LRRK1: variants seen among roughly 807,000 people sequenced by gnomAD.
LRRK1 encodes leucine rich repeat kinase 1, also known as leucine-rich repeat serine/threonine-protein kinase 1.
A neutral mutation model predicts 209.1 loss-of-function variants in LRRK1; 113 were observed. That is an observed-to-expected ratio of 0.54 (90% CI 0.46 to 0.63). The LOEUF (loss-of-function observed/expected upper bound fraction) is 0.63. LRRK1 is among the 30% of genes least tolerant of loss of function. The pLI is 0.00. For missense variants in LRRK1, 2,284 were observed against 2,632.2 expected (o/e 0.87, Z 2.89); for synonymous variants, 1,144 against 1,099.7 (o/e 1.04, Z -0.80).
chr15:100,955,008 A>C (rs530508817), intron 2 of LRRK1, among the ~76,000 whole-genome samples: 1 of 48,772 alleles, frequency 2.1e-5, no homozygotes, highest in East Asian at 9.9e-4. Flanking sequence ...GGTTCCATAC[A>C]AATTTTAGGA....
intron 20 of LRRK1, among the ~76,000 whole-genome samples, chr15:101,031,257 C>T (rs1310628638): frequency 3.9e-5 from 6 of 152,212 alleles, no homozygotes; most frequent in African/African-American, 7.2e-5. Context: ...TTCCGCCAGA[C>T]GCCCTTCCAG....
At chr15:100,981,164 C>G (rs560153595) in intron 3 of LRRK1, among the ~76,000 whole-genome samples, 1 of 152,162 alleles carries the variant, frequency 6.6e-6, no homozygotes, top group Non-Finnish European at 1.5e-5. Flanking sequence ...TATGGAGCCT[C>G]CAGCCAGAAA....
rs1196825322 is a variant in LRRK1, at chr15:101,075,032, C to G, written c.*6184C>G. The G allele has an allele frequency of 9.6e-6, 1 of 104,698 alleles. No individual in the cohort carries two copies. Among genetic ancestry groups the G allele is most frequent in the African/African-American group, 3.7e-5 (1 of 26,824 alleles). The allele number at this position is 104,698 out of a possible 1,614,324, so 6.5% of individuals were successfully genotyped here. ...GAAGACTGACACTGCCCGATCACCT[C>G]GGAAGCCCCCTAGACCATCACGGAC... On this transcript the variant is annotated 3_prime_UTR_variant, in exon 34 of 34. Coordinates refer to ENST00000388948, the MANE Select transcript of LRRK1 (RefSeq NM_024652.6).
intron 20 of LRRK1, among the ~76,000 whole-genome samples, chr15:101,031,577 G>A (rs2034284609): frequency 6.6e-6 from 1 of 152,166 alleles, no homozygotes; most frequent in South Asian, 2.1e-4. Flanking sequence ...ACAGTCTTAA[G>A]TCTTTTTGGA....
intron 2 of LRRK1, among the ~76,000 whole-genome samples, chr15:100,935,754 A>G (rs894308520): frequency 2.6e-5 from 4 of 152,160 alleles, no homozygotes; most frequent in African/African-American, 9.7e-5. Context: ...TTAAAAGAAC[A>G]ACGAATGATC....
intron 2 of LRRK1, among the ~76,000 whole-genome samples, chr15:100,944,343 G>A (rs1468215440): frequency 6.6e-6 from 1 of 152,202 alleles, no homozygotes; most frequent in East Asian, 1.9e-4. Flanking sequence ...AAACCCAGCT[G>A]CAGAGCAGTG....
chr15:101,061,440 G>A, intron 30 of LRRK1, 152 bp downstream of exon 30: 2 of 608,588 alleles, frequency 3.3e-6, no homozygotes, highest in South Asian at 2.0e-5. Flanking sequence ...CCCAAGTAAT[G>A]CCAGGAGCCC....
chr15:100,983,187 A>T (rs1289787747), intron 3 of LRRK1, among the ~76,000 whole-genome samples: 1 of 152,220 alleles, frequency 6.6e-6, no homozygotes, highest in East Asian at 1.9e-4. Context: ...AAAATAAATA[A>T]AATAAAGGAG....
At chr15:100,945,754 A>G (rs2042529997) in intron 2 of LRRK1, among the ~76,000 whole-genome samples, 1 of 152,042 alleles carries the variant, frequency 6.6e-6, no homozygotes, top group African/African-American at 2.4e-5. Flanking sequence ...CGGCTTCCCA[A>G]AGTGCTGGGA....
At chr15:101,006,484 C>G (rs529822760) in intron 6 of LRRK1, among the ~76,000 whole-genome samples, 2 of 151,814 alleles carry the variant, frequency 1.3e-5, no homozygotes, top group South Asian at 4.2e-4. Context: ...CAATGTCATG[C>G]AATTGTCAAG....
intron 2 of LRRK1, among the ~76,000 whole-genome samples, chr15:100,945,018 C>T (rs546228022): frequency 6.6e-6 from 1 of 152,318 alleles, no homozygotes; most frequent in South Asian, 2.1e-4. Flanking sequence ...TCATTGGCCT[C>T]CTTTTAGTCA....
At chr15:101,061,995 A>C (rs1339895253) in intron 30 of LRRK1, among the ~76,000 whole-genome samples, 1 of 152,214 alleles carries the variant, frequency 6.6e-6, no homozygotes, top group Non-Finnish European at 1.5e-5. Flanking sequence ...CGTACCACTT[A>C]AGCCTCAGAA....
chr15:100,982,031 A>G (rs1471349679), intron 3 of LRRK1, among the ~76,000 whole-genome samples: 1 of 152,226 alleles, frequency 6.6e-6, no homozygotes, highest in African/African-American at 2.4e-5. Flanking sequence ...CACACACAGT[A>G]GATCCTCAGT....
intron 1 of LRRK1, among the ~76,000 whole-genome samples, chr15:100,924,107 T>C (rs187153522): frequency 1.3e-5 from 2 of 152,336 alleles, no homozygotes; most frequent in African/African-American, 4.8e-5. Context: ...GTGACTAACC[T>C]TAACTATGTC....
intron 2 of LRRK1, among the ~76,000 whole-genome samples, chr15:100,971,360 G>C (rs576907909): frequency 6.8e-6 from 1 of 147,122 alleles, no homozygotes; most frequent in African/African-American, 2.6e-5. Context: ...AAAAGAAAAA[G>C]AAAAAGAAAA....
chr15:101,061,975 T>C (rs1053990004), intron 30 of LRRK1, among the ~76,000 whole-genome samples: 2 of 152,364 alleles, frequency 1.3e-5, no homozygotes, highest in East Asian at 1.9e-4. Flanking sequence ...ACCATTGCAC[T>C]CCAGCCTTGC....
At chr15:101,029,650 T>C (rs1365625562) in intron 20 of LRRK1, among the ~76,000 whole-genome samples, 1 of 152,038 alleles carries the variant, frequency 6.6e-6, no homozygotes, top group Admixed American at 6.5e-5. Context: ...GCCAGATCAA[T>C]TGAGGTCAGG....
rs1165954378 is a variant in LRRK1 at position 101,024,765 on chromosome 15, T to A, written c.2068-38T>A. 1.3e-6 allele frequency: 2 copies of A among 1,597,596 alleles called. No individual in the cohort carries two copies. The highest frequency in any genetic ancestry group is 2.2e-5 in the East Asian group (1 of 44,498). Reference sequence around the variant, plus strand: ...TTTGATTGACTGAAGCCTTTGTCTCTAAAATGCCTCCCTGTCGCTGCCTTG... The same window carrying A: ...TTTGATTGACTGAAGCCTTTGTCTCAAAAATGCCTCCCTGTCGCTGCCTTG... On this transcript the variant is annotated intron_variant, in intron 15 of 33. Transcript: ENST00000388948. This position sits in a 1 kb window ranked among gnomAD's most constrained non-coding sequence, Gnocchi z 4.6.
intron 2 of LRRK1, among the ~76,000 whole-genome samples, chr15:100,941,261 T>TGTGTCTCTGTGTGTGTCC (rs1491180796): frequency 6.7e-6 from 1 of 150,266 alleles, no homozygotes; most frequent in African/African-American, 2.5e-5. Context: ...TGTGTGTGTC[T>TGTGTCTCTGTGTGTGTCC]GTGTCTCTGT....
Sources: gnomAD v4.1 joint callset for allele counts (sites outside exome capture counted in the v4.1 genomes callset) on GRCh38, gnomAD v4.1.1 for gene constraint, Gnocchi (gnomAD v3.1) non-coding constraint, MANE v1.5 for transcripts, NCBI Gene and HGNC (gene_info 2026-07-23, HGNC 2026-07-21) for gene names.